The following GALNT2 variants were observed in gnomAD, a reference collection of about 807,000 sequenced individuals.
GALNT2 encodes UDP-GalNAc:polypeptide N-acetylgalactosaminyltransferase 2.
Under a neutral mutation model 81.4 loss-of-function variants are expected in GALNT2, and 31 were observed. The observed-to-expected ratio is 0.38, with a 90% CI of 0.29 to 0.51. GALNT2 has a LOEUF of 0.51. GALNT2 is among the 20% of genes least tolerant of loss of function. The pLI, the probability that GALNT2 is intolerant of heterozygous loss-of-function variation, is 0.87. For synonymous variants in GALNT2, 303 were observed against 287.4 expected (o/e 1.05, Z -0.55); for missense variants, 629 against 765.7 (o/e 0.82, Z 2.11).
Position 230,275,419 on chromosome 1 carries a change from CATAT to C in GALNT2, c.1560+859_1560+862del, listed in dbSNP as rs1164918518. Reference sequence around the variant, plus strand: ...CACATATATACATATGTAAACACCACATATATACACACCACATATATATACACGC... The same window carrying C: ...CACATATATACATATGTAAACACCACATACACACCACATATATATACACGC... On this transcript the variant is annotated intron_variant, in intron 15 of 15. Transcript: ENST00000366672. The surrounding 1 kb of genome is among the most constrained non-coding windows in gnomAD (Gnocchi z 5.5). Among the ~76,000 whole-genome samples, 1 of 150,998 alleles carries C rather than the reference CATAT, an allele frequency of 6.6e-6. No individual in the cohort carries two copies. Among genetic ancestry groups the C allele is most frequent in the Non-Finnish European group, 1.5e-5 (1 of 67,740 alleles).
upstream of GALNT2, among the ~76,000 whole-genome samples, chr1:230,057,790 G>A (rs76288809): frequency 5.3e-3 from 809 of 152,360 alleles, 13 homozygotes; most frequent in African/African-American, 0.018. Context: ...GGCAGGGGCA[G>A]GCACACAAGG....
At chr1:230,078,857 A>G (rs1659644153) in intron 1 of GALNT2, among the ~76,000 whole-genome samples, 4 of 152,208 alleles carry the variant, frequency 2.6e-5, no homozygotes, top group Admixed American at 2.6e-4. Context: ...AGGCTGGAGT[A>G]TAGTGGCATG....
chr1:230,154,750 G>A (rs75979285), intron 1 of GALNT2, among the ~76,000 whole-genome samples: 2 of 152,044 alleles, frequency 1.3e-5, no homozygotes, highest in Non-Finnish European at 1.5e-5. Context: ...CATGGCCCTC[G>A]GAAGGAACAA....
intron 1 of GALNT2, among the ~76,000 whole-genome samples, chr1:230,112,994 A>T (rs935414542): frequency 3.3e-5 from 5 of 152,148 alleles, no homozygotes; most frequent in African/African-American, 1.2e-4. Flanking sequence ...GTGACCTCGT[A>T]ACTGTGGCAG....
In GALNT2 at chr1:230,279,489, C is replaced by T. The variant is rs1666379494; in HGVS notation, c.*31C>T. 2.5e-6 allele frequency: 4 copies of T among 1,604,956 alleles called. No homozygotes were observed. The African/African-American group carries it at 4.0e-5, about 16-fold the overall frequency. ...TCCGGGAGGCCCTGCCGTCCTGTCTCCTGCACCATTGGGTGGAGTCTGGTG... is the reference window on the plus strand; with the variant it reads ...TCCGGGAGGCCCTGCCGTCCTGTCTTCTGCACCATTGGGTGGAGTCTGGTG... On this transcript the variant is annotated 3_prime_UTR_variant, in exon 16 of 16. Transcript: ENST00000366672. This position sits in a 1 kb window ranked among gnomAD's most constrained non-coding sequence, Gnocchi z 4.6.
rs1372046708 is a variant in GALNT2, at chr1:230,243,096, A to G, written c.608-210A>G. On this transcript the variant is annotated intron_variant, in intron 6 of 15. Transcript: ENST00000366672. This position sits in a 1 kb window ranked among gnomAD's most constrained non-coding sequence, Gnocchi z 4.2. ...GTAGTTCTAAGAACGTTGTCCTCCC[A>G]GTCATCCAATATAACTATTAAAATT... Among the ~76,000 whole-genome samples the G allele has an allele frequency of 1.3e-5, 2 of 152,244 alleles. No individual in the cohort carries two copies. Among genetic ancestry groups the G allele is most frequent in the Non-Finnish European group, 2.9e-5 (2 of 68,042 alleles).
At chr1:230,064,602 C>CCT (rs1558266073), upstream of GALNT2, among the ~76,000 whole-genome samples, 1 of 152,192 alleles carries the variant, frequency 6.6e-6, no homozygotes, top group African/African-American at 2.4e-5. Context: ...CTCACTGCAA[C>CCT]CTCTGCCTCC....
chr1:230,149,356 G>C (rs937912915), intron 1 of GALNT2, among the ~76,000 whole-genome samples: 1 of 152,132 alleles, frequency 6.6e-6, no homozygotes, highest in Non-Finnish European at 1.5e-5. Context: ...ATCCCTGGAG[G>C]GTGGGTGATG....
chr1:230,141,615 T>G (rs1661735955), intron 1 of GALNT2, among the ~76,000 whole-genome samples: 1 of 152,148 alleles, frequency 6.6e-6, no homozygotes, highest in African/African-American at 2.4e-5. Context: ...GTAGCGCGCG[T>G]CAGAGTTTTC....
intron 1 of GALNT2, among the ~76,000 whole-genome samples, chr1:230,148,461 A>G (rs991294278): frequency 6.6e-6 from 1 of 152,208 alleles, no homozygotes; most frequent in Non-Finnish European, 1.5e-5. Flanking sequence ...CGTTTAACAC[A>G]AGTGCTCTCT....
At chr1:230,215,486 T>C (rs563138232) in intron 3 of GALNT2, among the ~76,000 whole-genome samples, 1 of 152,370 alleles carries the variant, frequency 6.6e-6, no homozygotes, top group South Asian at 2.1e-4. Flanking sequence ...TGGTTGCTTT[T>C]AGTGAGTAGG....
chr1:230,261,007 A>G (rs919452180), intron 11 of GALNT2, among the ~76,000 whole-genome samples: 34 of 151,718 alleles, frequency 2.2e-4, no homozygotes, highest in African/African-American at 8.0e-4. Flanking sequence ...AACATGTAAG[A>G]TGCACACTCA....
intron 1 of GALNT2, among the ~76,000 whole-genome samples, chr1:230,133,611 G>T (rs922437517): frequency 1.3e-5 from 2 of 151,978 alleles, no homozygotes; most frequent in African/African-American, 4.8e-5. Flanking sequence ...CCGCCACCGC[G>T]CCCAGCTAAT....
chr1:230,094,587 G>A (rs944280337), intron 1 of GALNT2, among the ~76,000 whole-genome samples: 4 of 152,164 alleles, frequency 2.6e-5, no homozygotes, highest in Admixed American at 1.3e-4. Flanking sequence ...GCAGTGAGCT[G>A]AGACTGCATC....
chr1:230,108,790 GCTGA>G (rs1019541908), intron 1 of GALNT2, among the ~76,000 whole-genome samples: 6 of 152,148 alleles, frequency 3.9e-5, no homozygotes. Context: ...TGACCGTGTG[GCTGA>G]CTGAGAGCTG....
intron 1 of GALNT2, among the ~76,000 whole-genome samples, chr1:230,090,690 C>T (rs904983272): frequency 8.5e-5 from 13 of 152,222 alleles, no homozygotes; most frequent in South Asian, 2.1e-4. Flanking sequence ...TTTTTCTGTG[C>T]GGTTGTGTAT....
In GALNT2 at chr1:230,118,689, G is replaced by T. The variant is rs1036261097; in HGVS notation, c.126+51283G>T. ...CTTTGCCCTACGGGGACTGGCTGTC[G>T]GTTCTTCCCCGCGTGGCTCCTCCCC... On this transcript the variant is annotated intron_variant, in intron 1 of 15. Coordinates refer to ENST00000366672, the MANE Select transcript of GALNT2 (RefSeq NM_004481.5). 2.0e-5 allele frequency among the ~76,000 whole-genome samples: 3 copies of T among 151,812 alleles called. 1 individual carries two copies. In the South Asian group the frequency reaches 6.2e-4, roughly 32 times the overall value.
intron 3 of GALNT2, among the ~76,000 whole-genome samples, chr1:230,231,411 G>T (rs917169106): frequency 2.0e-5 from 3 of 152,188 alleles, no homozygotes; most frequent in African/African-American, 7.2e-5. Flanking sequence ...TGAGGGTGGG[G>T]CATGGCCTGC....
At chr1:230,114,255 G>A (rs1660780666) in intron 1 of GALNT2, among the ~76,000 whole-genome samples, 1 of 152,138 alleles carries the variant, frequency 6.6e-6, no homozygotes, top group African/African-American at 2.4e-5. Context: ...TCTAGGGGGA[G>A]GTTTAGTCGT....
Sources: allele counts gnomAD v4.1 joint callset (sites outside exome capture counted in the v4.1 genomes callset), GRCh38; gene constraint gnomAD v4.1.1; non-coding constraint Gnocchi (gnomAD v3.1); transcripts MANE v1.5; gene names NCBI Gene and HGNC (gene_info 2026-07-23, HGNC 2026-07-21).